Variants in C9orf72 observed in about 807,000 individuals in gnomAD.
C9orf72 encodes the protein C9orf72-SMCR8 complex subunit, also known as guanine nucleotide exchange factor C9orf72.
C9orf72 carries 44 observed loss-of-function variants against 51.6 expected under a neutral mutation model. That is an observed-to-expected ratio of 0.85 (90% CI 0.67 to 1.10). C9orf72 has a LOEUF of 1.10. C9orf72 is among the 50% of genes least tolerant of loss of function. C9orf72 has a pLI of 0.00. For missense variants in C9orf72, 607 were observed against 570.6 expected (o/e 1.06, Z -0.65); for synonymous variants, 213 against 194.2 (o/e 1.10, Z -0.81).
chr9:27,555,781 TG>T (rs1053871395), intron 8 of C9orf72, among the ~76,000 whole-genome samples: 1 of 152,086 alleles, frequency 6.6e-6, no homozygotes, highest in African/African-American at 2.4e-5. Flanking sequence ...CAGGCTGGTC[TG>T]GAACTCCTGG....
At chr9:27,573,274 C>T (rs1587327126) in intron 1 of C9orf72, among the ~76,000 whole-genome samples, 157 bp downstream of exon 1, 1 of 152,228 alleles carries the variant, frequency 6.6e-6, no homozygotes, top group East Asian at 1.9e-4. Context: ...CCACCAGTCG[C>T]TAGAGGCGAA....
intron 1 of C9orf72, among the ~76,000 whole-genome samples, chr9:27,572,800 C>T (rs1016830643): frequency 6.6e-6 from 1 of 152,222 alleles, no homozygotes; most frequent in Non-Finnish European, 1.5e-5. Flanking sequence ...ACAATAGTCA[C>T]TTCCTTTAAG....
intron 2 of C9orf72, among the ~76,000 whole-genome samples, chr9:27,565,977 T>C (rs1201768597): frequency 6.6e-6 from 1 of 152,170 alleles, no homozygotes; most frequent in African/African-American, 2.4e-5. Flanking sequence ...GCAAACATAG[T>C]AAAAAATTAT....
At chr9:27,551,365 A>G (rs1370273672) in intron 8 of C9orf72, among the ~76,000 whole-genome samples, 1 of 152,244 alleles carries the variant, frequency 6.6e-6, no homozygotes, top group Non-Finnish European at 1.5e-5. Context: ...AGCAGGTGCT[A>G]AAGCAAACAC....
rs1315702993 is a variant in C9orf72, at chr9:27,566,810, T to C, written c.311A>G (p.Asn104Ser). Residue 104 changes from asparagine (N) to serine (S), a missense_variant, in exon 2 of 11, where the codon AAT becomes AGT. Coordinates refer to ENST00000380003, the MANE Select transcript of C9orf72 (RefSeq NM_018325.5). ...IVSLIFDGNW[N>S]GDRSTYGLSI... ...TAGTCCATATGTGCTGCGATCCCCATTCCAGTTTCCATCAAAGATTAATGA... is the reference window on the plus strand; with the variant it reads ...TAGTCCATATGTGCTGCGATCCCCACTCCAGTTTCCATCAAAGATTAATGA... 2 of 1,613,898 alleles carry C rather than the reference T, an allele frequency of 1.2e-6. No individual in the cohort carries two copies. The highest frequency in any genetic ancestry group is 1.3e-5 in the African/African-American group (1 of 74,928).
chr9:27,548,752 G>A, intron 9 of C9orf72, 86 bp from the exon 10 acceptor site: 2 of 748,028 alleles, frequency 2.7e-6, no homozygotes, highest in Non-Finnish European at 2.4e-6. Flanking sequence ...ACAGTGCTTG[G>A]CAGACAATAC....
chr9:27,556,962 T>C (rs1298270778), intron 7 of C9orf72, among the ~76,000 whole-genome samples, 166 bp from the exon 8 acceptor site: 1 of 152,208 alleles, frequency 6.6e-6, no homozygotes, highest in East Asian at 1.9e-4. Context: ...AAGTGTTCAG[T>C]ATAGCATTGG....
At chr9:27,550,538 T>G in intron 9 of C9orf72, 112 bp downstream of exon 9, 1 of 618,732 alleles carries the variant, frequency 1.6e-6, no homozygotes, top group Non-Finnish European at 2.8e-6. Flanking sequence ...TGAGCAGAAC[T>G]CTGGGGCATG....
At chr9:27,550,570 T>C (rs924454812) in intron 9 of C9orf72, 80 bp downstream of exon 9, 4 of 843,256 alleles carry the variant, frequency 4.7e-6, no homozygotes, top group East Asian at 5.1e-5. Flanking sequence ...TATAAATATA[T>C]AGAACAGGCA....
chr9:27,563,228 A>G (rs376315532), intron 3 of C9orf72, among the ~76,000 whole-genome samples: 1 of 151,842 alleles, frequency 6.6e-6, no homozygotes, highest in African/African-American at 2.4e-5. Flanking sequence ...ATAAAACAGA[A>G]AAATTCCCTT....
chr9:27,572,304 G>C (rs974736929), intron 1 of C9orf72, among the ~76,000 whole-genome samples: 1 of 152,196 alleles, frequency 6.6e-6, no homozygotes, highest in African/African-American at 2.4e-5. Context: ...GGCCTTGGCA[G>C]AGGTGGTGAC....
chr9:27,554,786 C>G (rs896676805), intron 8 of C9orf72, among the ~76,000 whole-genome samples: 2 of 152,070 alleles, frequency 1.3e-5, no homozygotes, highest in Non-Finnish European at 2.9e-5. Context: ...AGACTTAACA[C>G]ACAATCTAGT....
chr9:27,550,413 TCTG>T (rs1481205300), intron 9 of C9orf72, among the ~76,000 whole-genome samples: 1 of 152,078 alleles, frequency 6.6e-6, no homozygotes, highest in African/African-American at 2.4e-5. Flanking sequence ...TAAACAAAGG[TCTG>T]AATTCCCGAA....
chr9:27,560,789 ATACTTT>A (rs2131539203), intron 5 of C9orf72: 1 of 974,330 alleles, frequency 1.0e-6, no homozygotes, highest in East Asian at 1.1e-4. Flanking sequence ...TGAATACTTT[ATACTTT>A]TACTTCTCTT....
rs73440944 is a variant in C9orf72, at chr9:27,561,715, A to T, written c.601-66T>A. On this transcript the variant is annotated intron_variant, in intron 4 of 10. Coordinates refer to ENST00000380003, the MANE Select transcript of C9orf72 (RefSeq NM_018325.5). ...ACATAGTGTTGAAATAACACTTTTA[A>T]TATACAAGTTTTCGGAAGTCTGGAT... 4,439 of 1,021,454 alleles carry T rather than the reference A, an allele frequency of 4.3e-3. 125 individuals are homozygous for T. The African/African-American group carries it at 0.062, about 14-fold the overall frequency. 63.3% of individuals were successfully genotyped at this position (1,021,454 alleles called of 1,614,324 possible).
chr9:27,564,649 G>A (rs916289099), intron 3 of C9orf72, among the ~76,000 whole-genome samples: 1 of 151,654 alleles, frequency 6.6e-6, no homozygotes, highest in Non-Finnish European at 1.5e-5. Context: ...ATTGTATTGG[G>A]TTCTGTATTA....
chr9:27,562,701 T>C (rs1202939409), intron 3 of C9orf72, among the ~76,000 whole-genome samples: 5 of 151,832 alleles, frequency 3.3e-5, no homozygotes, highest in Non-Finnish European at 5.9e-5. Flanking sequence ...AGATGGAGTT[T>C]TGCTTTCATT....
At position 27,560,490 on chromosome 9, in the gene C9orf72, T is replaced by G. The variant is rs1476778544; in HGVS notation, c.666-191A>C. ...TTTTCTAGAGACCTTTCACAGAAAT[T>G]TTCTTATTGAGCCTTAAAACAGCCC... On this transcript the variant is annotated intron_variant, in intron 5 of 10. Transcript: ENST00000380003. 2.0e-5 allele frequency: 13 copies of G among 645,284 alleles called. No homozygotes were observed. The Admixed American group carries it at 3.6e-4, about 18-fold the overall frequency. The allele number at this position is 645,284 out of a possible 1,614,324, so 40.0% of individuals were successfully genotyped here. A position where few individuals can be genotyped will look rare whatever the true frequency, so the allele number is the denominator to read the frequency against.
chr9:27,549,094 G>A (rs976489412), intron 9 of C9orf72, among the ~76,000 whole-genome samples: 1 of 152,066 alleles, frequency 6.6e-6, no homozygotes, highest in Non-Finnish European at 1.5e-5. Context: ...CACCCACCTC[G>A]GACTCCCAAA....
Sources: gnomAD v4.1 joint callset for allele counts (sites outside exome capture counted in the v4.1 genomes callset) on GRCh38, gnomAD v4.1.1 for gene constraint, MANE v1.5 for transcripts, NCBI Gene and HGNC (gene_info 2026-07-23, HGNC 2026-07-21) for gene names.